NCAM1: variants seen among roughly 807,000 people sequenced by gnomAD.
The protein encoded by NCAM1 is antigen recognized by monoclonal antibody 5.1H11.
NCAM1 carries 14 observed loss-of-function variants against 109.8 expected under a neutral mutation model. That is an observed-to-expected ratio of 0.13 (90% CI 0.08 to 0.20). NCAM1 has a LOEUF of 0.20. NCAM1 is among the 10% of genes least tolerant of loss of function. The probability of loss-of-function intolerance (pLI) is 1.00; values close to 1 mark genes in which losing one functional copy is unlikely to be tolerated. For synonymous variants in NCAM1, 418 were observed against 442.9 expected (o/e 0.94, Z 0.70); for missense variants, 774 against 1,109.9 (o/e 0.70, Z 4.30).
chr11:113,004,588 CGTTGAT>C, intron 1 of NCAM1, among the ~76,000 whole-genome samples: 1 of 151,988 alleles, frequency 6.6e-6, no homozygotes, highest in Non-Finnish European at 1.5e-5. Context: ...AGGCTTCCAA[CGTTGAT>C]GTCAGGAAGT....
intron 9 of NCAM1, among the ~76,000 whole-genome samples, chr11:113,223,881 T>C (rs609708): frequency 0.61 from 92,859 of 152,074 alleles, 30,348 homozygotes; most frequent in African/African-American, 0.85. Context: ...CCCATGCTCT[T>C]GAGGCCACTA....
chr11:113,208,885 A>G (rs145207790), intron 7 of NCAM1, among the ~76,000 whole-genome samples: 4 of 152,314 alleles, frequency 2.6e-5, no homozygotes, highest in African/African-American at 9.6e-5. Flanking sequence ...TTAGTGGTCG[A>G]TGGGCTGGCT....
At chr11:113,020,794 C>T (rs1337056911) in intron 1 of NCAM1, among the ~76,000 whole-genome samples, 2 of 152,212 alleles carry the variant, frequency 1.3e-5, no homozygotes, top group South Asian at 2.1e-4. Flanking sequence ...CTCACCTTGT[C>T]GCCCAGGCTG....
chr11:113,205,166 A>G (rs1555112632), intron 3 of NCAM1, among the ~76,000 whole-genome samples: 1 of 152,150 alleles, frequency 6.6e-6, no homozygotes, highest in East Asian at 1.9e-4. Flanking sequence ...GATTCTTACT[A>G]TTCGTTGTGG....
intron 1 of NCAM1, among the ~76,000 whole-genome samples, chr11:113,112,321 A>G (rs1940481664): frequency 6.6e-6 from 1 of 152,208 alleles, no homozygotes; most frequent in African/African-American, 2.4e-5. Flanking sequence ...AATGAATGTT[A>G]TTTCCTTTAA....
intron 16 of NCAM1, among the ~76,000 whole-genome samples, chr11:113,256,548 G>C (rs536289403): frequency 1.2e-4 from 19 of 152,236 alleles, no homozygotes; most frequent in African/African-American, 4.3e-4. Context: ...TGAGAGGCTG[G>C]GCTCTCCCCA....
intron 1 of NCAM1, among the ~76,000 whole-genome samples, chr11:113,017,509 C>G (rs554680613): frequency 5.6e-4 from 86 of 152,218 alleles, no homozygotes; most frequent in African/African-American, 1.9e-3. Flanking sequence ...GCAAGTAATT[C>G]CCAGGGCTGT....
intron 1 of NCAM1, among the ~76,000 whole-genome samples, chr11:112,967,171 G>A (rs550364777): frequency 6.3e-4 from 96 of 152,232 alleles, no homozygotes; most frequent in Middle Eastern, 6.8e-3. Flanking sequence ...TCTATTTGGC[G>A]TCATTCCTGA....
At chr11:113,172,727 G>A (rs1268039527) in intron 1 of NCAM1, among the ~76,000 whole-genome samples, 7 of 152,050 alleles carry the variant, frequency 4.6e-5, no homozygotes, top group Admixed American at 1.3e-4. Context: ...ATGAAAAGTC[G>A]GTATTTTGCC....
chr11:113,270,076 T>C (rs984191087), intron 17 of NCAM1, 112 bp from the exon 18 acceptor site: 27 of 995,552 alleles, frequency 2.7e-5, no homozygotes, highest in Non-Finnish European at 3.9e-5. Context: ...TGGGCATGAA[T>C]GCCATGACTC....
intron 1 of NCAM1, among the ~76,000 whole-genome samples, chr11:113,090,704 A>G (rs1939305205): frequency 6.6e-6 from 1 of 152,228 alleles, no homozygotes; most frequent in African/African-American, 2.4e-5. Flanking sequence ...ATTGCTTTGA[A>G]TTAAAATTGG....
At chr11:113,171,134 C>CAA (rs1343668371) in intron 1 of NCAM1, among the ~76,000 whole-genome samples, 1 of 152,110 alleles carries the variant, frequency 6.6e-6, no homozygotes, top group Non-Finnish European at 1.5e-5. Flanking sequence ...ATCGCCACTA[C>CAA]AAAACTCTCA....
chr11:113,206,426 G>A (rs1047068970), intron 5 of NCAM1, among the ~76,000 whole-genome samples: 4 of 148,244 alleles, frequency 2.7e-5, no homozygotes, highest in African/African-American at 5.0e-5. Flanking sequence ...GTCCTTCACC[G>A]TTCTGCAGCA....
intron 1 of NCAM1, among the ~76,000 whole-genome samples, chr11:112,977,983 C>A (rs1366906428): frequency 6.6e-6 from 1 of 151,742 alleles, no homozygotes; most frequent in African/African-American, 2.4e-5. Context: ...AGAATTAGTG[C>A]AGTGTTTTGT....
intron 1 of NCAM1, among the ~76,000 whole-genome samples, chr11:113,172,236 G>A (rs2136470660): frequency 6.6e-6 from 1 of 152,310 alleles, no homozygotes; most frequent in Non-Finnish European, 1.5e-5. Context: ...TGTCCCGTCA[G>A]CCCAGGCTGG....
At position 112,962,142 on chromosome 11, in the gene NCAM1, T is replaced by A. The variant is rs1950581723; in HGVS notation, c.52+478T>A. 6.6e-6 allele frequency among the ~76,000 whole-genome samples: 1 copy of A among 152,164 alleles called. No homozygotes were observed. The highest frequency in any genetic ancestry group is 1.5e-5 in the Non-Finnish European group (1 of 68,010). ...GGCTAGGGCAGCCGCCCCAGATCGT[T>A]ATATTCCTGGGTCTAATAAAGTCAG... On this transcript the variant is annotated intron_variant, in intron 1 of 19. Coordinates refer to ENST00000316851, the MANE Select transcript of NCAM1 (RefSeq NM_181351.5). The surrounding 1 kb of genome is among the most constrained non-coding windows in gnomAD (Gnocchi z 5.6).
chr11:113,120,701 A>G (rs782193927), intron 1 of NCAM1, among the ~76,000 whole-genome samples: 2 of 152,242 alleles, frequency 1.3e-5, no homozygotes, highest in African/African-American at 2.4e-5. Context: ...GTAACAAAAG[A>G]CAGGTTAACA....
chr11:113,075,776 C>T (rs1163218419), intron 1 of NCAM1, among the ~76,000 whole-genome samples: 28 of 152,190 alleles, frequency 1.8e-4, no homozygotes, highest in African/African-American at 5.8e-4. Flanking sequence ...AATTCAGTTT[C>T]TCACACATAA....
At chr11:112,983,420 AT>A (rs11396766) in intron 1 of NCAM1, among the ~76,000 whole-genome samples, 12 of 150,586 alleles carry the variant, frequency 8.0e-5, no homozygotes, top group African/African-American at 2.4e-4. Context: ...AAAAATTTGG[AT>A]TTTTTTTTTC....
Sources: allele counts gnomAD v4.1 joint callset (sites outside exome capture counted in the v4.1 genomes callset), GRCh38; gene constraint gnomAD v4.1.1; non-coding constraint Gnocchi (gnomAD v3.1); transcripts MANE v1.5; gene names NCBI Gene and HGNC (gene_info 2026-07-23, HGNC 2026-07-21).